CCM2L: variants seen among roughly 807,000 people sequenced by gnomAD.
CCM2L encodes the protein CCM2 like scaffold protein.
CCM2L carries 36 observed loss-of-function variants against 54.1 expected under a neutral mutation model. That is an observed-to-expected ratio of 0.67 (90% confidence interval 0.51 to 0.88). The LOEUF (loss-of-function observed/expected upper bound fraction) is 0.88. Among genes scored for constraint, CCM2L ranks in the 40% least tolerant of loss-of-function variants. CCM2L has a pLI of 0.00. For missense variants in CCM2L, 700 were observed against 812.1 expected (o/e 0.86, Z 1.68); for synonymous variants, 351 against 359.3 (o/e 0.98, Z 0.26).
In CCM2L at chr20:32,029,775, A is replaced by G; in HGVS notation, c.1339A>G (p.Ile447Val). The change falls in exon 9 of 10, where the codon ATC (isoleucine) becomes GTC (valine). Residue 447 changes from isoleucine (I) to valine (V), a missense_variant. Coordinates refer to ENST00000452892, the MANE Select transcript of CCM2L (RefSeq NM_001365692.1). ...GCGGGAGTACCGGCTGGGGCTGCCCATCCAGGACTATTGCACAGGCCTGCT... is the reference window on the plus strand; with the variant it reads ...GCGGGAGTACCGGCTGGGGCTGCCCGTCCAGGACTATTGCACAGGCCTGCT... The part of the protein sequence containing the change: ...LLREYRLGLP[I>V]QDYCTGLLKL... 5.6e-6 allele frequency: 9 copies of G among 1,613,512 alleles called. No individual in the cohort carries two copies. Among genetic ancestry groups the G allele is most frequent in the Non-Finnish European group, 5.9e-6 (7 of 1,179,690 alleles).
At chr20:32,027,421 CTTTAT>C (rs755224163) in intron 7 of CCM2L, among the ~76,000 whole-genome samples, 1 of 152,154 alleles carries the variant, frequency 6.6e-6, no homozygotes, top group Non-Finnish European at 1.5e-5. Flanking sequence ...CTATAAAGCA[CTTTAT>C]TTTTTCATCA....
At chr20:32,020,220 A>G (rs975265681) in intron 5 of CCM2L, among the ~76,000 whole-genome samples, 4 of 152,182 alleles carry the variant, frequency 2.6e-5, no homozygotes, top group Non-Finnish European at 1.5e-5. Flanking sequence ...CCCTCCGTAT[A>G]AAAACAGTGG....
Position 32,031,312 on chromosome 20 carries a change from T to C in CCM2L, c.1714T>C (p.Ter572GlnextTer85), listed in dbSNP as rs781349101. 1.3e-5 allele frequency: 17 copies of C among 1,271,108 alleles called. No homozygotes were observed. The South Asian group carries it at 2.1e-4, about 16-fold the overall frequency. 78.7% of individuals were successfully genotyped at this position (1,271,108 alleles called of 1,614,324 possible). The change falls in exon 10 of 10, where the codon TAG becomes CAG. Residue 572 changes from the stop codon to glutamine (Q), a stop_lost. Coordinates refer to ENST00000452892, the MANE Select transcript of CCM2L (RefSeq NM_001365692.1). Reference protein sequence around the residue: ...GSDAAEDNYL* With the variant: ...GSDAAEDNYLQ Reference sequence around the variant, plus strand: ...CGACGCCGCAGAAGACAACTACCTGTAGCCACCGCCCCTGCGGACGGCGTG... The same window carrying C: ...CGACGCCGCAGAAGACAACTACCTGCAGCCACCGCCCCTGCGGACGGCGTG...
chr20:32,024,203 G>A (rs1440839378), intron 6 of CCM2L, among the ~76,000 whole-genome samples: 2 of 152,156 alleles, frequency 1.3e-5, no homozygotes, highest in Admixed American at 1.3e-4. Flanking sequence ...GCCAGTGGGT[G>A]AATTCCCCAG....
At chr20:32,018,844 C>A (rs560923978) in intron 4 of CCM2L, 99 bp from the exon 5 acceptor site, 2 of 1,197,988 alleles carry the variant, frequency 1.7e-6, no homozygotes, top group Non-Finnish European at 2.1e-6. Context: ...GGCGGTGGAA[C>A]CCCAGAGCCG....
intron 2 of CCM2L, 23 bp from the exon 3 acceptor site, chr20:32,017,777 C>T: frequency 6.2e-7 from 1 of 1,605,260 alleles, no homozygotes; most frequent in Middle Eastern, 1.7e-4. Flanking sequence ...CTGTGTCCTT[C>T]TCTCACCCCG....
At chr20:32,016,175 G>GAA (rs948065166) in intron 2 of CCM2L, among the ~76,000 whole-genome samples, 5 of 151,928 alleles carry the variant, frequency 3.3e-5, no homozygotes, top group Admixed American at 6.6e-5. Context: ...CCATGAAGAG[G>GAA]AAATGATGGA....
Position 32,017,872 on chromosome 20 carries a change from G to T in CCM2L, c.271G>T (p.Asp91Tyr). 1.2e-6 allele frequency: 2 copies of T among 1,613,988 alleles called. No homozygotes were observed. The highest frequency in any genetic ancestry group is 1.7e-6 in the Non-Finnish European group (2 of 1,179,996). ...SSRDELLQLL[D>Y]TARQLKELPL... is the part of the protein sequence containing the mutation. Reference sequence around the variant, plus strand: ...TCGGGACGAGCTCCTGCAGCTGCTAGACACCGCCAGGGTGAGACTCTGGGG... The same window carrying T: ...TCGGGACGAGCTCCTGCAGCTGCTATACACCGCCAGGGTGAGACTCTGGGG... Residue 91 changes from aspartate (D) to tyrosine (Y), a missense_variant, in exon 3 of 10, where the codon GAC becomes TAC. Physicochemically the swap from Asp to Tyr is radical, Grantham distance 160. Coordinates refer to ENST00000452892, the MANE Select transcript of CCM2L (RefSeq NM_001365692.1).
At chr20:32,010,555 C>CAACCGGGGGGG in intron 1 of CCM2L, 71 bp downstream of exon 1, 1 of 126,164 alleles carries the variant, frequency 7.9e-6, no homozygotes, top group Non-Finnish European at 1.4e-5. Flanking sequence ...CAAACTGGGG[C>CAACCGGGGGGG]GGGGTGGGGG....
intron 7 of CCM2L, among the ~76,000 whole-genome samples, chr20:32,026,317 G>A (rs940833883): frequency 3.3e-5 from 5 of 152,144 alleles, no homozygotes; most frequent in African/African-American, 9.7e-5. Context: ...AAATAGAGCA[G>A]CAATTCAACA....
intron 4 of CCM2L, among the ~76,000 whole-genome samples, chr20:32,018,677 C>T (rs1215222371): frequency 6.6e-6 from 1 of 151,916 alleles, no homozygotes; most frequent in Non-Finnish European, 1.5e-5. Context: ...GAGGGCAGGT[C>T]TGAGGCCAGG....
chr20:32,010,531 G>T (rs1448854919), intron 1 of CCM2L, 47 bp downstream of exon 1: 1 of 1,502,678 alleles, frequency 6.7e-7, no homozygotes, highest in Non-Finnish European at 9.0e-7. Flanking sequence ...TGTCCCCAAA[G>T]CTGGGGAAGG....
chr20:32,014,910 G>A lies in CCM2L; in HGVS notation c.37G>A (p.Val13Ile). ...YEVKKGKKGFVSPIRRLVFPK... is the reference protein window; with the variant it reads ...YEVKKGKKGFISPIRRLVFPK... Reference sequence around the variant, plus strand: ...TTCCTCCTCTCCTCCCCAGGGCTTTGTATCCCCCATCCGAAGGCTGGTGTT... The same window carrying A: ...TTCCTCCTCTCCTCCCCAGGGCTTTATATCCCCCATCCGAAGGCTGGTGTT... Residue 13 changes from valine (V) to isoleucine (I), a missense_variant, in exon 2 of 10, where the codon GTA becomes ATA. Coordinates refer to ENST00000452892, the MANE Select transcript of CCM2L (RefSeq NM_001365692.1). The A allele has an allele frequency of 1.3e-6, 2 of 1,599,186 alleles. No homozygotes were observed. The highest frequency in any genetic ancestry group is 1.7e-5 in the Admixed American group (1 of 58,184).
chr20:32,020,949 G>T (rs139553594), intron 5 of CCM2L, among the ~76,000 whole-genome samples: 5 of 152,152 alleles, frequency 3.3e-5, no homozygotes, highest in African/African-American at 1.2e-4. Context: ...CTGAGCAATA[G>T]AGCAAGACTC....
At chr20:32,022,566 CT>C in intron 5 of CCM2L, 93 bp from the exon 6 acceptor site, 1 of 1,462,082 alleles carries the variant, frequency 6.8e-7, no homozygotes, top group Non-Finnish European at 9.3e-7. Flanking sequence ...AGGTGTGTAT[CT>C]TTGTGCGCAT....
At chr20:32,022,509 C>T (rs989315317) in intron 5 of CCM2L, 151 bp from the exon 6 acceptor site, 14 of 817,538 alleles carry the variant, frequency 1.7e-5, no homozygotes, top group African/African-American at 8.6e-5. Flanking sequence ...GAGTAGCCAT[C>T]GAATTTTGAT....
At position 32,025,568 on chromosome 20, in the gene CCM2L, C is replaced by CT. The variant is rs367763815; in HGVS notation, c.1070-279dup. Among the ~76,000 whole-genome samples the CT allele has an allele frequency of 6.4e-3, 968 of 151,260 alleles. 9 individuals carry two copies. The highest frequency in any genetic ancestry group is 0.021 in the African/African-American group (874 of 41,312). ...AGGCGTGAGCCACAAATTTTTTTTTCTTTTTTTTTGTCTTGCCTGAAACAC... is the reference window on the plus strand; with the variant it reads ...AGGCGTGAGCCACAAATTTTTTTTTCTTTTTTTTTTGTCTTGCCTGAAACAC... On this transcript the variant is annotated intron_variant, in intron 6 of 9. Coordinates refer to ENST00000452892, the MANE Select transcript of CCM2L (RefSeq NM_001365692.1).
Position 32,031,158 on chromosome 20 carries a change from C to T in CCM2L, c.1560C>T (p.Gly520=), listed in dbSNP as rs533444431. Residue 520 remains glycine (G), a synonymous_variant, in exon 10 of 10, where the codon GGC becomes GGT. Coordinates refer to ENST00000452892, the MANE Select transcript of CCM2L (RefSeq NM_001365692.1). ...CCTCCGCAGTGCGCAGCTACGATGG[C>T]GCGGCGCAGCGGCCCGAGGCACAGG... The part of the protein sequence containing the change: ...TSASAVRSYD[G]AAQRPEAQAF... 1.5e-5 allele frequency: 19 copies of T among 1,302,662 alleles called. No homozygotes were observed. The highest frequency in any genetic ancestry group is 1.8e-5 in the Non-Finnish European group (18 of 988,512). 80.7% of individuals were successfully genotyped at this position (1,302,662 alleles called of 1,614,324 possible). A position where few individuals can be genotyped will look rare whatever the true frequency, so the allele number is the denominator to read the frequency against.
At chr20:32,024,958 A>G (rs979858260) in intron 6 of CCM2L, among the ~76,000 whole-genome samples, 1 of 152,252 alleles carries the variant, frequency 6.6e-6, no homozygotes, top group African/African-American at 2.4e-5. Flanking sequence ...AAATGAGACA[A>G]CAGGACTAGG....
Sources: allele counts gnomAD v4.1 joint callset (sites outside exome capture counted in the v4.1 genomes callset), GRCh38; gene constraint gnomAD v4.1.1; transcripts MANE v1.5; gene names NCBI Gene and HGNC (gene_info 2026-07-23, HGNC 2026-07-21).